Variants in RAB6A observed in about 807,000 individuals in gnomAD.
RAB6A encodes ras-related protein Rab-6A.
Under a neutral mutation model 32.3 loss-of-function variants are expected in RAB6A, and 8 were observed. That is an observed-to-expected ratio of 0.25 (90% CI 0.15 to 0.45). The LOEUF (loss-of-function observed/expected upper bound fraction) is 0.45. Among genes scored for constraint, RAB6A ranks in the 20% least tolerant of loss-of-function variants. The pLI is 1.00. For missense variants in RAB6A, 104 were observed against 249.4 expected (o/e 0.42, Z 3.93); for synonymous variants, 73 against 82.1 (o/e 0.89, Z 0.60).
At chr11:73,731,931 A>G (rs1036155498) in intron 1 of RAB6A, among the ~76,000 whole-genome samples, 3 of 150,274 alleles carry the variant, frequency 2.0e-5, no homozygotes, top group Admixed American at 6.6e-5. Flanking sequence ...TTTAGTAGAG[A>G]TGGGGTTTCA....
In RAB6A at chr11:73,739,304, T is replaced by TATATAA. The variant is rs375733945; in HGVS notation, c.71-8482_71-8481insTTATAT. ...AAAAAAATATATATATATATATATATAAATACTGGAACACCAAAGATAACT... is the reference window on the plus strand; with the variant it reads ...AAAAAAATATATATATATATATATATATATAAAAATACTGGAACACCAAAGATAACT... On this transcript the variant is annotated intron_variant, in intron 1 of 7. Coordinates refer to ENST00000336083, the MANE Select transcript of RAB6A (RefSeq NM_198896.2). Among the ~76,000 whole-genome samples, 161 of 31,754 alleles carry TATATAA rather than the reference T, an allele frequency of 5.1e-3. 4 individuals carry two copies. Among genetic ancestry groups the TATATAA allele is most frequent in the Non-Finnish European group, 7.0e-3 (94 of 13,406 alleles). 20.8% of individuals were successfully genotyped at this position (31,754 alleles called of 152,430 possible).
At chr11:73,752,453 C>T (rs567403026) in intron 1 of RAB6A, among the ~76,000 whole-genome samples, 27 of 151,932 alleles carry the variant, frequency 1.8e-4, no homozygotes, top group Admixed American at 4.6e-4. Context: ...AAGATTCTGT[C>T]TCAAAAAAAC....
At chr11:73,708,295 A>G (rs1945882215) in intron 5 of RAB6A, among the ~76,000 whole-genome samples, 1 of 152,004 alleles carries the variant, frequency 6.6e-6, no homozygotes, top group African/African-American at 2.4e-5. Context: ...CAGCCTCCTG[A>G]GCAGCTGGGA....
chr11:73,707,125 G>GAAAAAAAAAAAAAAAAAAAAAAA, intron 6 of RAB6A, among the ~76,000 whole-genome samples: 1 of 116,254 alleles, frequency 8.6e-6, no homozygotes, highest in Non-Finnish European at 1.7e-5. Context: ...TCTCAAAAAA[G>GAAAAAAAAAAAAAAAAAAAAAAA]AAAAAAAAAA....
At position 73,717,222 on chromosome 11, in the gene RAB6A, G is replaced by A. The variant is rs146321203; in HGVS notation, c.290-860C>T. Among the ~76,000 whole-genome samples, 657 of 152,250 alleles carry A rather than the reference G, an allele frequency of 4.3e-3. 3 individuals carry two copies. Among genetic ancestry groups the A allele is most frequent in the Non-Finnish European group, 7.4e-3 (503 of 68,014 alleles). On this transcript the variant is annotated intron_variant, in intron 4 of 7. Coordinates refer to ENST00000336083, the MANE Select transcript of RAB6A (RefSeq NM_198896.2). ...TCTAATTTTGCCAGCACAATTATTC[G>A]TTATTAGATAACAATTCCTAATTGA...
chr11:73,755,996 G>C (rs547681854), intron 1 of RAB6A, among the ~76,000 whole-genome samples: 1 of 152,098 alleles, frequency 6.6e-6, no homozygotes, highest in Non-Finnish European at 1.5e-5. Context: ...TCAAAAATTT[G>C]TAAGAGCAGA....
chr11:73,717,507 C>T (rs1946069376), intron 4 of RAB6A, among the ~76,000 whole-genome samples: 1 of 152,178 alleles, frequency 6.6e-6, no homozygotes, highest in Non-Finnish European at 1.5e-5. Context: ...TGCAATGGCA[C>T]GGTCTTGGCT....
At chr11:73,736,977 C>CAAAAAAAA (rs535172648) in intron 1 of RAB6A, among the ~76,000 whole-genome samples, 3 of 64,916 alleles carry the variant, frequency 4.6e-5, no homozygotes, top group Non-Finnish European at 5.8e-5. Context: ...GACACTGTCT[C>CAAAAAAAA]AAAAAAAAAA....
chr11:73,697,227 C>T (rs11235864), intron 6 of RAB6A, among the ~76,000 whole-genome samples: 15,169 of 152,194 alleles, frequency 0.1, 860 homozygotes, highest in South Asian at 0.27. Flanking sequence ...CAAATATCAC[C>T]TTATCAGACA....
At chr11:73,731,256 A>C (rs1946296872) in intron 1 of RAB6A, among the ~76,000 whole-genome samples, 1 of 152,122 alleles carries the variant, frequency 6.6e-6, no homozygotes, top group Admixed American at 6.6e-5. Context: ...TAAGAGTGAG[A>C]AAAACTGGCC....
At chr11:73,744,370 A>C (rs1182759924) in intron 1 of RAB6A, among the ~76,000 whole-genome samples, 1 of 150,074 alleles carries the variant, frequency 6.7e-6, no homozygotes, top group Non-Finnish European at 1.5e-5. Context: ...AATTAGCCAC[A>C]TGTAGTAGCA....
intron 1 of RAB6A, among the ~76,000 whole-genome samples, chr11:73,743,603 C>T (rs901042864): frequency 2.6e-5 from 4 of 151,748 alleles, no homozygotes; most frequent in East Asian, 1.9e-4. Flanking sequence ...GGCAATATGG[C>T]GAGATCCTGT....
rs61283817 is a variant in RAB6A at position 73,723,633 on chromosome 11, G to T, written c.130-2734C>A. 2.2e-4 allele frequency among the ~76,000 whole-genome samples: 34 copies of T among 152,200 alleles called. No individual in the cohort carries two copies. In the East Asian group the frequency reaches 6.6e-3, roughly 29 times the overall value. On this transcript the variant is annotated intron_variant, in intron 2 of 7. Transcript: ENST00000336083. Reference sequence around the variant, plus strand: ...CATGAGCCACTGCGCCTGGCCGAAAGAAATATTTATTGATTGCCTACTAGG... The same window carrying T: ...CATGAGCCACTGCGCCTGGCCGAAATAAATATTTATTGATTGCCTACTAGG...
intron 2 of RAB6A, among the ~76,000 whole-genome samples, chr11:73,723,026 C>T (rs1946165503): frequency 1.3e-5 from 2 of 152,086 alleles, no homozygotes; most frequent in Admixed American, 6.6e-5. Flanking sequence ...AGGCTGGTCT[C>T]GAACTCCTGG....
At chr11:73,738,951 CA>C (rs1389432292) in intron 1 of RAB6A, among the ~76,000 whole-genome samples, 7 of 150,910 alleles carry the variant, frequency 4.6e-5, no homozygotes, top group African/African-American at 7.3e-5. Flanking sequence ...TCTCAAAAAA[CA>C]AAACTAAACT....
intron 1 of RAB6A, among the ~76,000 whole-genome samples, chr11:73,757,123 ATATATATTTTTTTTTT>A (rs1946769223): frequency 2.1e-5 from 1 of 48,052 alleles, no homozygotes; most frequent in African/African-American, 1.1e-4. Flanking sequence ...ATATATATAT[ATATATATTTTTTTTTT>A]TTTTTTTTTT....
chr11:73,756,855 G>A (rs1206748249), intron 1 of RAB6A, among the ~76,000 whole-genome samples: 3 of 150,676 alleles, frequency 2.0e-5, no homozygotes, highest in African/African-American at 7.3e-5. Context: ...TGGATTTTTA[G>A]TAGAGATGGG....
intron 1 of RAB6A, among the ~76,000 whole-genome samples, chr11:73,732,920 C>A (rs1946340753): frequency 6.6e-6 from 1 of 151,940 alleles, no homozygotes; most frequent in South Asian, 2.1e-4. Context: ...TCAAGCAATT[C>A]TCCTGTCTCA....
chr11:73,746,061 C>T (rs1387734055), intron 1 of RAB6A, among the ~76,000 whole-genome samples: 1 of 151,310 alleles, frequency 6.6e-6, no homozygotes, highest in Non-Finnish European at 1.5e-5. Context: ...GTGCAGAGTT[C>T]GCACCAGTAG....
Sources: gnomAD v4.1 joint callset for allele counts (sites outside exome capture counted in the v4.1 genomes callset) on GRCh38, gnomAD v4.1.1 for gene constraint, MANE v1.5 for transcripts, NCBI Gene and HGNC (gene_info 2026-07-23, HGNC 2026-07-21) for gene names.